The following EXTL3 variants were observed in gnomAD, a reference collection of about 807,000 sequenced individuals.
EXTL3 encodes the protein exostosin-like 3.
In EXTL3, 27 loss-of-function variants were observed where a neutral mutation model predicts 69.3. The ratio of observed to expected loss-of-function variants is 0.39; its 90% CI spans 0.29 to 0.54. The LOEUF (loss-of-function observed/expected upper bound fraction) is 0.54. EXTL3 is among the 20% of genes least tolerant of loss of function. The probability of loss-of-function intolerance (pLI) is 0.69; values close to 1 mark genes in which losing one functional copy is unlikely to be tolerated. For missense variants in EXTL3, 1,003 were observed against 1,231.8 expected (o/e 0.81, Z 2.78); for synonymous variants, 511 against 499.4 (o/e 1.02, Z -0.31).
chr8:28,705,179 T>C (rs1800895594), intron 1 of EXTL3, among the ~76,000 whole-genome samples: 1 of 152,132 alleles, frequency 6.6e-6, no homozygotes, highest in African/African-American at 2.4e-5. Context: ...GCAAAACATG[T>C]TTTTGTGCTT....
chr8:28,633,635 A>G (rs111756567), intron 1 of EXTL3, among the ~76,000 whole-genome samples: 2,959 of 152,236 alleles, frequency 0.019, 91 homozygotes, highest in African/African-American at 0.068. Context: ...CTCTGTTTCA[A>G]AAATAATAAT....
At chr8:28,639,256 C>G (rs1471041758) in intron 1 of EXTL3, among the ~76,000 whole-genome samples, 3 of 152,048 alleles carry the variant, frequency 2.0e-5, no homozygotes, top group Non-Finnish European at 2.9e-5. Flanking sequence ...TTTGACTCCT[C>G]TTCCCCAACA....
At chr8:28,711,443 T>C (rs576579458) in intron 1 of EXTL3, among the ~76,000 whole-genome samples, 1 of 152,364 alleles carries the variant, frequency 6.6e-6, no homozygotes, top group Admixed American at 6.5e-5. Context: ...TAGCACTGTT[T>C]TAGCCATGTT....
At chr8:28,661,248 T>A (rs115403633) in intron 1 of EXTL3, among the ~76,000 whole-genome samples, 6,216 of 152,092 alleles carry the variant, frequency 0.041, 166 homozygotes, top group African/African-American at 0.05. Flanking sequence ...TTGAAGTGTA[T>A]AATTTGATAA....
intron 4 of EXTL3, among the ~76,000 whole-genome samples, chr8:28,731,640 G>A (rs1262316944): frequency 6.6e-6 from 1 of 152,112 alleles, no homozygotes; most frequent in Non-Finnish European, 1.5e-5. Context: ...TGCTGCAGGT[G>A]TATCATCCTT....
chr8:28,627,137 A>G (rs907809918), intron 1 of EXTL3, among the ~76,000 whole-genome samples: 2 of 151,778 alleles, frequency 1.3e-5, no homozygotes, highest in African/African-American at 4.8e-5. Context: ...AGCCAGAGCC[A>G]GGATTACGCC....
intron 1 of EXTL3, chr8:28,710,586 AT>A (rs948597400): frequency 9.3e-3 from 2,745 of 294,936 alleles, no homozygotes; most frequent in South Asian, 0.014. Context: ...TTCATGAGAG[AT>A]TTTTTTTTTG....
At chr8:28,612,536 C>G (rs758082836) in intron 2 of EXTL3, among the ~76,000 whole-genome samples, 2 of 151,848 alleles carry the variant, frequency 1.3e-5, no homozygotes, top group East Asian at 1.9e-4. Context: ...TCAACTCTCC[C>G]AGTATGCTTG....
chr8:28,664,788 C>T (rs939735605), intron 1 of EXTL3, among the ~76,000 whole-genome samples: 6 of 152,080 alleles, frequency 3.9e-5, no homozygotes, highest in African/African-American at 1.4e-4. Context: ...AATTGCCCAG[C>T]GTTCTGAAAT....
chr8:28,745,839 T>A (rs879463230), intron 6 of EXTL3, among the ~76,000 whole-genome samples: 125 of 152,324 alleles, frequency 8.2e-4, no homozygotes, highest in African/African-American at 3.0e-3. Context: ...AATTTAGACA[T>A]GGTGCACATG....
chr8:28,716,384 A>G lies in EXTL3; in HGVS notation c.325A>G (p.Lys109Glu). 6.2e-7 allele frequency: 1 copy of G among 1,613,964 alleles called. No homozygotes were observed. Among genetic ancestry groups the G allele is most frequent in the South Asian group, 1.1e-5 (1 of 91,084 alleles). ...KRQELNSEIA[K>E]LNLKIEACKK... ...CCAAGAGCTGAACAGCGAGATCGCC[A>G]AGCTGAATCTGAAGATCGAAGCCTG... Residue 109 changes from lysine (K) to glutamate (E), a missense_variant, in exon 3 of 7, where the codon AAG becomes GAG. Coordinates refer to ENST00000220562, the MANE Select transcript of EXTL3 (RefSeq NM_001440.4). This position sits in a 1 kb window ranked among gnomAD's most constrained non-coding sequence, Gnocchi z 7.1.
chr8:28,625,395 A>G (rs968141945), intron 1 of EXTL3, among the ~76,000 whole-genome samples: 2 of 152,218 alleles, frequency 1.3e-5, no homozygotes, highest in Non-Finnish European at 2.9e-5. Flanking sequence ...CAGAAAGAAC[A>G]ATAGAGAGGA....
chr8:28,722,677 G>A (rs1039607020), intron 3 of EXTL3, among the ~76,000 whole-genome samples: 2 of 151,318 alleles, frequency 1.3e-5, no homozygotes, highest in African/African-American at 4.9e-5. Context: ...GGGAAGCCGA[G>A]GTGAGGGGAT....
chr8:28,627,888 C>T (rs13258510), intron 1 of EXTL3, among the ~76,000 whole-genome samples: 48,504 of 151,612 alleles, frequency 0.32, 8,205 homozygotes, highest in African/African-American at 0.43. Context: ...AGCAGTCAAG[C>T]TCATAGAGAC....
At position 28,712,328 on chromosome 8, in the gene EXTL3, G is replaced by C. The variant is rs541735481; in HGVS notation, c.-569-1129G>C. On this transcript the variant is annotated intron_variant, in intron 1 of 6. Transcript: ENST00000220562. The stretch of plus-strand genomic sequence containing the variant: ...TAACTGAGATGGGTCTGGGGAGCCC[G>C]GCAGTACAGTGGGCAGCCTTGAAAA... 4.6e-5 allele frequency among the ~76,000 whole-genome samples: 7 copies of C among 152,250 alleles called. No individual in the cohort carries two copies. In the East Asian group the frequency reaches 1.2e-3, roughly 25 times the overall value.
At chr8:28,645,593 T>G (rs1391557070) in intron 1 of EXTL3, among the ~76,000 whole-genome samples, 1 of 152,236 alleles carries the variant, frequency 6.6e-6, no homozygotes, top group Non-Finnish European at 1.5e-5. Context: ...AAATTTTTTT[T>G]GCTTATCTGT....
intron 1 of EXTL3, among the ~76,000 whole-genome samples, chr8:28,636,203 G>A (rs933124342): frequency 2.0e-5 from 3 of 151,752 alleles, no homozygotes; most frequent in Non-Finnish European, 2.9e-5. Flanking sequence ...GTGGTGGTGC[G>A]CACCTGTAGT....
At chr8:28,737,441 G>C in intron 4 of EXTL3, 78 bp from the exon 5 acceptor site, 1 of 1,488,552 alleles carries the variant, frequency 6.7e-7, no homozygotes, top group Non-Finnish European at 9.4e-7. Flanking sequence ...CTTGTAAGGT[G>C]GAGGCAATAA....
In EXTL3 at chr8:28,716,746, A is replaced by G; in HGVS notation, c.687A>G (p.Thr229=). Residue 229 remains threonine (T), a synonymous_variant, in exon 3 of 7, where the codon ACA becomes ACG. Transcript: ENST00000220562. The surrounding 1 kb of genome is among the most constrained non-coding windows in gnomAD (Gnocchi z 7.1). ...QATARANVYV[T]ENADIACLYV... ...CAGCACGAGCTAACGTTTATGTTAC[A>G]GAAAATGCAGACATCGCCTGCCTTT... 6.2e-7 allele frequency: 1 copy of G among 1,614,264 alleles called. No homozygotes were observed.
Sources: allele counts gnomAD v4.1 joint callset (sites outside exome capture counted in the v4.1 genomes callset), GRCh38; gene constraint gnomAD v4.1.1; non-coding constraint Gnocchi (gnomAD v3.1); transcripts MANE v1.5; gene names NCBI Gene and HGNC (gene_info 2026-07-23, HGNC 2026-07-21).